RTN4R: variants seen among roughly 807,000 people sequenced by gnomAD.
RTN4R encodes reticulon 4 receptor.
RTN4R carries 4 observed loss-of-function variants against 27.7 expected under a neutral mutation model. That is an observed-to-expected ratio of 0.14 (90% CI 0.07 to 0.33). The LOEUF (loss-of-function observed/expected upper bound fraction) is 0.33, where lower values mean the gene tolerates loss of function less well. Among genes scored for constraint, RTN4R ranks in the 10% least tolerant of loss-of-function variants. The pLI is 1.00. For synonymous variants in RTN4R, 290 were observed against 305.6 expected (o/e 0.95, Z 0.53); for missense variants, 554 against 671.5 (o/e 0.83, Z 1.93).
chr22:20,258,918 G>T (rs2051228284), intron 1 of RTN4R, among the ~76,000 whole-genome samples: 1 of 152,082 alleles, frequency 6.6e-6, no homozygotes, highest in African/African-American at 2.4e-5. Flanking sequence ...ATGTACCAAG[G>T]CTGGGGGTCA....
chr22:20,268,061 G>A lies in RTN4R; in HGVS notation c.22+10C>T, dbSNP rs532423939. ...CGCCGGCCGGGCTCGGGTGCAGCGC[G>A]GACACTCACCTCCAGCGGACGCCCT... On this transcript the variant is annotated intron_variant, in intron 1 of 1. Transcript: ENST00000043402. The A allele has an allele frequency of 1.2e-4, 138 of 1,192,624 alleles. 1 individual carries two copies. The South Asian group carries it at 3.7e-3, about 32-fold the overall frequency. The allele number at this position is 1,192,624 out of a possible 1,614,324, so 73.9% of individuals were successfully genotyped here.
intron 1 of RTN4R, among the ~76,000 whole-genome samples, chr22:20,244,199 C>G (rs1051505004): frequency 4.6e-5 from 7 of 152,274 alleles, no homozygotes. Context: ...TCCACGGCAG[C>G]TGGCTAAGAG....
In RTN4R at chr22:20,255,528, A is replaced by G. The variant is rs568096063; in HGVS notation, c.23-12418T>C. ...GGCTCTTGGCCCCAGAGACTCTGCA[A>G]TCCAGACACCCGAAGGGGCAGCTTC... On this transcript the variant is annotated intron_variant, in intron 1 of 1. Coordinates refer to ENST00000043402, the MANE Select transcript of RTN4R (RefSeq NM_023004.6). The surrounding 1 kb of genome is among the most constrained non-coding windows in gnomAD (Gnocchi z 4.8). 6.6e-5 allele frequency among the ~76,000 whole-genome samples: 10 copies of G among 152,338 alleles called. No homozygotes were observed. In the East Asian group the frequency reaches 1.9e-3, roughly 29 times the overall value.
intron 1 of RTN4R, among the ~76,000 whole-genome samples, chr22:20,251,971 T>TATC (rs2051184890): frequency 2.9e-5 from 1 of 34,126 alleles, no homozygotes; most frequent in African/African-American, 1.2e-4. Flanking sequence ...TCCTCATCAC[T>TATC]ATCACCATCA....
chr22:20,263,314 G>C (rs1005053277), intron 1 of RTN4R, among the ~76,000 whole-genome samples: 3 of 152,158 alleles, frequency 2.0e-5, no homozygotes, highest in Non-Finnish European at 4.4e-5. Context: ...GGGCACACCA[G>C]GCCCTGAGGT....
chr22:20,260,898 T>C (rs983015097), intron 1 of RTN4R, among the ~76,000 whole-genome samples: 1 of 151,946 alleles, frequency 6.6e-6, no homozygotes. Flanking sequence ...AACTAGGGAC[T>C]TCTCCACATG....
Position 20,258,829 on chromosome 22 carries a change from C to T in RTN4R, c.22+9242G>A, listed in dbSNP as rs144143255. Among the ~76,000 whole-genome samples, 720 of 152,312 alleles carry T rather than the reference C, an allele frequency of 4.7e-3. 5 individuals carry two copies. Among genetic ancestry groups the T allele is most frequent in the African/African-American group, 0.017 (699 of 41,570 alleles). On this transcript the variant is annotated intron_variant, in intron 1 of 1. Coordinates refer to ENST00000043402, the MANE Select transcript of RTN4R (RefSeq NM_023004.6). ...TGCCTGCAGGGGGCAGTAGCAGCAC[C>T]TTCAGGTGGGGTGGTTGGGGTGGCT...
At chr22:20,267,699 G>A (rs1184911584) in intron 1 of RTN4R, 3 of 452,466 alleles carry the variant, frequency 6.6e-6, no homozygotes, top group Non-Finnish European at 1.4e-5. Flanking sequence ...CCACGTTTCT[G>A]CAAAAACCCG....
In RTN4R at chr22:20,268,022, C is replaced by A. The variant is rs1049337490; in HGVS notation, c.22+49G>T. Reference sequence around the variant, plus strand: ...CTCCGGGGAGGGGGCGAGCCGCCCCCCTCCGCGCCCCGCCGCCGGCCGGGC... The same window carrying A: ...CTCCGGGGAGGGGGCGAGCCGCCCCACTCCGCGCCCCGCCGCCGGCCGGGC... On this transcript the variant is annotated intron_variant, in intron 1 of 1. Coordinates refer to ENST00000043402, the MANE Select transcript of RTN4R (RefSeq NM_023004.6). The A allele has an allele frequency of 4.9e-4, 545 of 1,117,270 alleles. 5 individuals carry two copies. The African/African-American group carries it at 8.3e-3, about 17-fold the overall frequency. The allele number at this position is 1,117,270 out of a possible 1,614,324, so 69.2% of individuals were successfully genotyped here.
intron 1 of RTN4R, among the ~76,000 whole-genome samples, chr22:20,261,135 A>G (rs1035020817): frequency 6.6e-5 from 10 of 152,310 alleles, no homozygotes; most frequent in African/African-American, 2.4e-4. Context: ...GGTTCAGCAG[A>G]GGCTCCTGCT....
chr22:20,259,993 G>A (rs1459702699), intron 1 of RTN4R, among the ~76,000 whole-genome samples: 1 of 152,180 alleles, frequency 6.6e-6, no homozygotes, highest in Non-Finnish European at 1.5e-5. Flanking sequence ...ACTGGACCAG[G>A]GCCCACTGGG....
At chr22:20,246,293 G>C (rs1221551555) in intron 1 of RTN4R, among the ~76,000 whole-genome samples, 3 of 152,206 alleles carry the variant, frequency 2.0e-5, no homozygotes, top group African/African-American at 7.2e-5. Flanking sequence ...TAGGACCCAG[G>C]ATCACCAGGC....
At chr22:20,268,004 G>A (rs996346933) in intron 1 of RTN4R, 67 bp downstream of exon 1, 18 of 960,700 alleles carry the variant, frequency 1.9e-5, no homozygotes, top group Non-Finnish European at 2.2e-5. Context: ...CGGCTCCGGG[G>A]AGGGGGCGAG....
At chr22:20,244,116 C>T (rs2051126407) in intron 1 of RTN4R, among the ~76,000 whole-genome samples, 1 of 152,242 alleles carries the variant, frequency 6.6e-6, no homozygotes, top group African/African-American at 2.4e-5. Context: ...AATGTGAATC[C>T]CCCTGGGAAG....
At position 20,242,038 on chromosome 22, in the gene RTN4R, G is replaced by T. The variant is rs111408637; in HGVS notation, c.1095C>A (p.Pro365=). 6.2e-7 allele frequency: 1 copy of T among 1,612,084 alleles called. No individual in the cohort carries two copies. ...AGCCGTTGCCCGGCGGGCTGTCACC[G>T]GGCGGCACGCGTCCCTTCAGCGCAT... ...AGNALKGRVP[P]GDSPPGNGSG... is the part of the protein sequence containing the mutation. Residue 365 remains proline (P), a synonymous_variant, in exon 2 of 2, where the codon CCC becomes CCA. Transcript: ENST00000043402.
chr22:20,261,829 G>C (rs2051249164), intron 1 of RTN4R, among the ~76,000 whole-genome samples: 1 of 152,250 alleles, frequency 6.6e-6, no homozygotes, highest in East Asian at 1.9e-4. Context: ...CCAGGCACTG[G>C]GAACTAGGGA....
chr22:20,257,412 A>G (rs1456163451), intron 1 of RTN4R, among the ~76,000 whole-genome samples: 1 of 152,166 alleles, frequency 6.6e-6, no homozygotes, highest in Non-Finnish European at 1.5e-5. Context: ...GGCCCTCACC[A>G]TGGCATTAGT....
intron 1 of RTN4R, among the ~76,000 whole-genome samples, chr22:20,251,218 T>C (rs1431164288): frequency 6.6e-6 from 1 of 152,100 alleles, no homozygotes; most frequent in African/African-American, 2.4e-5. Context: ...AGAGGTGACC[T>C]GGGCAGATCC....
Position 20,241,923 on chromosome 22 carries a change from CGGA to C in RTN4R, c.1207_1209del (p.Ser403del). 1.2e-6 allele frequency: 2 copies of C among 1,605,712 alleles called. No individual in the cohort carries two copies. The highest frequency in any genetic ancestry group is 1.7e-6 in the Non-Finnish European group (2 of 1,177,310). ...CCCGAGGTGGGGAACCCTGGTGGCTCGGAGCCCTCGGGCCGCACTGCAGTGAGC... is the reference window on the plus strand; with the variant it reads ...CCCGAGGTGGGGAACCCTGGTGGCTCGCCCTCGGGCCGCACTGCAGTGAGC... On this transcript the variant is annotated inframe_deletion, in exon 2 of 2. Coordinates refer to ENST00000043402, the MANE Select transcript of RTN4R (RefSeq NM_023004.6).
Sources: allele counts gnomAD v4.1 joint callset (sites outside exome capture counted in the v4.1 genomes callset), GRCh38; gene constraint gnomAD v4.1.1; non-coding constraint Gnocchi (gnomAD v3.1); transcripts MANE v1.5; gene names NCBI Gene and HGNC (gene_info 2026-07-23, HGNC 2026-07-21).